SH3GL2: variants seen among roughly 807,000 people sequenced by gnomAD.
The protein encoded by SH3GL2 is endophilin-A1.
SH3GL2 carries 24 observed loss-of-function variants against 46.0 expected under a neutral mutation model. The ratio of observed to expected loss-of-function variants is 0.52; its 90% CI spans 0.38 to 0.73. The LOEUF (loss-of-function observed/expected upper bound fraction) is 0.73, where lower values mean the gene tolerates loss of function less well. SH3GL2 is among the 30% of genes least tolerant of loss of function. SH3GL2 has a pLI of 0.00. For synonymous variants in SH3GL2, 196 were observed against 147.1 expected, an observed-to-expected ratio of 1.33 and a Z score of -2.40; for missense variants, 413 against 424.2, an observed-to-expected ratio of 0.97 and a Z score of 0.23.
chr9:17,709,099 G>A (rs1290486261), intron 1 of SH3GL2, among the ~76,000 whole-genome samples: 1 of 151,966 alleles, frequency 6.6e-6, no homozygotes, highest in Non-Finnish European at 1.5e-5. Flanking sequence ...TTTCTAATGT[G>A]GGTAAAATGT....
intron 1 of SH3GL2, among the ~76,000 whole-genome samples, chr9:17,656,991 A>G (rs1820096838): frequency 6.6e-6 from 1 of 152,184 alleles, no homozygotes; most frequent in Non-Finnish European, 1.5e-5. Context: ...TGTTTGAAGT[A>G]TTCTTGAACA....
At chr9:17,587,528 TC>T (rs1818402032) in intron 1 of SH3GL2, among the ~76,000 whole-genome samples, 1 of 152,208 alleles carries the variant, frequency 6.6e-6, no homozygotes. Context: ...TGTTTTACAG[TC>T]ATAGGGTTTT....
In SH3GL2 at chr9:17,683,661, A is replaced by G. The variant is rs192515880; in HGVS notation, c.46-63405A>G. 1.8e-3 allele frequency among the ~76,000 whole-genome samples: 278 copies of G among 152,184 alleles called. 1 individual carries two copies. Among genetic ancestry groups the G allele is most frequent in the African/African-American group, 6.3e-3 (262 of 41,538 alleles). On this transcript the variant is annotated intron_variant, in intron 1 of 8. Coordinates refer to ENST00000380607, the MANE Select transcript of SH3GL2 (RefSeq NM_003026.5). ...GAACAAGAGAATACTTCCTCTCTACATACACCAGGATGCTAAGCTCAGAGT... is the reference window on the plus strand; with the variant it reads ...GAACAAGAGAATACTTCCTCTCTACGTACACCAGGATGCTAAGCTCAGAGT...
chr9:17,644,214 A>T (rs1819752176), intron 1 of SH3GL2, among the ~76,000 whole-genome samples: 2 of 147,130 alleles, frequency 1.4e-5, no homozygotes, highest in African/African-American at 2.5e-5. Flanking sequence ...TGCCTATTTG[A>T]TTCTTCTCTC....
intron 1 of SH3GL2, among the ~76,000 whole-genome samples, chr9:17,712,369 TA>T (rs952992410): frequency 2.6e-5 from 4 of 151,796 alleles, no homozygotes; most frequent in East Asian, 1.9e-4. Context: ...GAGACATCTC[TA>T]AAAAAAACTT....
intron 1 of SH3GL2, among the ~76,000 whole-genome samples, chr9:17,727,364 A>G (rs1304261557): frequency 6.6e-6 from 1 of 152,228 alleles, no homozygotes; most frequent in Non-Finnish European, 1.5e-5. Context: ...TTACATTTTA[A>G]AAGTGTAAAA....
chr9:17,642,645 C>G lies in SH3GL2; in HGVS notation c.45+63358C>G, dbSNP rs577263802. On this transcript the variant is annotated intron_variant, in intron 1 of 8. Coordinates refer to ENST00000380607, the MANE Select transcript of SH3GL2 (RefSeq NM_003026.5). ...CATTACTTGTTTTTGTCAGGTTTGTCAAAGATCAGATTGTTGCAGATGTGC... is the reference window on the plus strand; with the variant it reads ...CATTACTTGTTTTTGTCAGGTTTGTGAAAGATCAGATTGTTGCAGATGTGC... Among the ~76,000 whole-genome samples, 6 of 152,238 alleles carry G rather than the reference C, an allele frequency of 3.9e-5. No homozygotes were observed. The South Asian group carries it at 1.2e-3, about 32-fold the overall frequency.
chr9:17,763,443 G>A (rs1823234904), intron 3 of SH3GL2, among the ~76,000 whole-genome samples: 1 of 152,128 alleles, frequency 6.6e-6, no homozygotes, highest in Admixed American at 6.5e-5. Flanking sequence ...CTTATGAGAA[G>A]AGGAGAGGAC....
intron 1 of SH3GL2, among the ~76,000 whole-genome samples, chr9:17,592,466 G>A (rs186174830): frequency 7.3e-4 from 111 of 152,238 alleles, no homozygotes; most frequent in African/African-American, 2.6e-3. Context: ...TTTCTTAAAT[G>A]GAAAAATCAC....
At chr9:17,655,746 G>A (rs1536065) in intron 1 of SH3GL2, among the ~76,000 whole-genome samples, 54,690 of 152,064 alleles carry the variant, frequency 0.36, 11,290 homozygotes, top group South Asian at 0.57. Context: ...CCCGTGCATC[G>A]TTTTTGAGCA....
At chr9:17,736,894 A>T (rs1822352820) in intron 1 of SH3GL2, among the ~76,000 whole-genome samples, 1 of 152,124 alleles carries the variant, frequency 6.6e-6, no homozygotes, top group Non-Finnish European at 1.5e-5. Flanking sequence ...TGTACACAAA[A>T]ATATGAGGAT....
At chr9:17,746,068 G>A (rs1028323200) in intron 1 of SH3GL2, among the ~76,000 whole-genome samples, 6 of 152,022 alleles carry the variant, frequency 3.9e-5, no homozygotes, top group Admixed American at 3.9e-4. Flanking sequence ...ATATAAAAGT[G>A]TATCTAATTT....
At chr9:17,595,516 A>G (rs1818554506) in intron 1 of SH3GL2, among the ~76,000 whole-genome samples, 1 of 152,200 alleles carries the variant, frequency 6.6e-6, no homozygotes, top group South Asian at 2.1e-4. Flanking sequence ...GGAGATCAGT[A>G]GTTCTCTTCC....
intron 1 of SH3GL2, among the ~76,000 whole-genome samples, chr9:17,693,325 A>C (rs989457576): frequency 6.6e-6 from 1 of 151,888 alleles, no homozygotes. Flanking sequence ...TGCAACAGAA[A>C]CCCTACCATT....
intron 1 of SH3GL2, among the ~76,000 whole-genome samples, chr9:17,697,464 C>G (rs112805434): frequency 6.6e-6 from 1 of 151,934 alleles, no homozygotes; most frequent in African/African-American, 2.4e-5. Flanking sequence ...CCTCGTGATC[C>G]GCCCACCTTG....
intron 3 of SH3GL2, among the ~76,000 whole-genome samples, chr9:17,776,987 C>T (rs1394591830): frequency 6.6e-6 from 1 of 152,144 alleles, no homozygotes; most frequent in Non-Finnish European, 1.5e-5. Context: ...GAGTAGCTCC[C>T]ACGGATAGGG....
intron 1 of SH3GL2, among the ~76,000 whole-genome samples, chr9:17,742,769 A>G (rs190380008): frequency 1.4e-4 from 21 of 152,332 alleles, no homozygotes; most frequent in Admixed American, 1.3e-3. Context: ...ATGCTGTACT[A>G]AATGGGCACC....
At chr9:17,785,135 A>G (rs1385400480) in intron 3 of SH3GL2, among the ~76,000 whole-genome samples, 1 of 152,168 alleles carries the variant, frequency 6.6e-6, no homozygotes, top group Non-Finnish European at 1.5e-5. Flanking sequence ...CCTAACTGCT[A>G]CATACTGTTT....
intron 1 of SH3GL2, among the ~76,000 whole-genome samples, chr9:17,694,703 G>A (rs183449757): frequency 1.0e-3 from 159 of 152,266 alleles, no homozygotes; most frequent in African/African-American, 3.7e-3. Flanking sequence ...TAAAGTGAGA[G>A]AAACCGCTAT....
Sources: gnomAD v4.1 joint callset for allele counts (sites outside exome capture counted in the v4.1 genomes callset) on GRCh38, gnomAD v4.1.1 for gene constraint, MANE v1.5 for transcripts, NCBI Gene and HGNC (gene_info 2026-07-23, HGNC 2026-07-21) for gene names.